Variants in PTPRT observed in about 807,000 individuals in gnomAD.
PTPRT encodes receptor-type tyrosine-protein phosphatase T.
A neutral mutation model predicts 176.8 loss-of-function variants in PTPRT; 56 were observed. The observed-to-expected ratio is 0.32, with a 90% CI of 0.26 to 0.40. The LOEUF is 0.40. Among genes scored for constraint, PTPRT ranks in the 10% least tolerant of loss-of-function variants. The probability of loss-of-function intolerance (pLI) is 1.00; values close to 1 mark genes in which losing one functional copy is unlikely to be tolerated. For missense variants in PTPRT, 1,540 were observed against 1,908.2 expected, an observed-to-expected ratio of 0.81 and a Z score of 3.60; for synonymous variants, 783 against 739.0, an observed-to-expected ratio of 1.06 and a Z score of -0.96.
intron 13 of PTPRT, among the ~76,000 whole-genome samples, chr20:42,252,881 G>A (rs897091923): frequency 3.3e-5 from 5 of 152,204 alleles, no homozygotes; most frequent in African/African-American, 1.2e-4. Flanking sequence ...TACACAGGAG[G>A]TTTTTAGAAA....
intron 7 of PTPRT, among the ~76,000 whole-genome samples, chr20:42,549,191 G>A (rs761639409): frequency 3.9e-5 from 6 of 152,084 alleles, no homozygotes; most frequent in Non-Finnish European, 7.4e-5. Flanking sequence ...TCTGCTCACC[G>A]ATTACGGGGT....
At chr20:42,478,544 G>T (rs2145319092) in intron 7 of PTPRT, among the ~76,000 whole-genome samples, 1 of 152,080 alleles carries the variant, frequency 6.6e-6, no homozygotes, top group South Asian at 2.1e-4. Context: ...ATCAAATCCT[G>T]TATTCTTAAA....
rs114049878 is a variant in PTPRT, at chr20:42,519,385, T to G, written c.1154-46823A>C. 7.6e-3 allele frequency among the ~76,000 whole-genome samples: 1,155 copies of G among 152,250 alleles called. 11 individuals carry two copies. The highest frequency in any genetic ancestry group is 0.026 in the African/African-American group (1,093 of 41,562). ...TCACCCAAGGGACATCTGTCTTGTT[T>G]CTAGTTTTGAGGTTGTTACGTATGA... On this transcript the variant is annotated intron_variant, in intron 7 of 30. Coordinates refer to ENST00000373187, the MANE Select transcript of PTPRT (RefSeq NM_007050.6).
At chr20:42,308,596 T>C (rs1195026310) in intron 12 of PTPRT, among the ~76,000 whole-genome samples, 6 of 152,186 alleles carry the variant, frequency 3.9e-5, no homozygotes, top group African/African-American at 9.7e-5. Context: ...TGCGATAAGA[T>C]ACTTTAATAT....
chr20:42,638,210 G>A (rs2145921004), intron 7 of PTPRT, among the ~76,000 whole-genome samples: 1 of 152,220 alleles, frequency 6.6e-6, no homozygotes, highest in South Asian at 2.1e-4. Flanking sequence ...CCAGACCAGA[G>A]GTGAGACAGG....
chr20:42,661,937 A>G (rs2075230157), intron 7 of PTPRT, among the ~76,000 whole-genome samples: 1 of 152,214 alleles, frequency 6.6e-6, no homozygotes, highest in Non-Finnish European at 1.5e-5. Context: ...AGCAATGGAC[A>G]GGGTGCCCTT....
At chr20:42,779,276 C>T (rs1167624798) in intron 4 of PTPRT, among the ~76,000 whole-genome samples, 1 of 152,186 alleles carries the variant, frequency 6.6e-6, no homozygotes, top group Non-Finnish European at 1.5e-5. Context: ...GAGGAGGACC[C>T]ATGATGTCTC....
intron 1 of PTPRT, among the ~76,000 whole-genome samples, chr20:43,012,423 G>A (rs1985175913): frequency 6.6e-6 from 1 of 152,150 alleles, no homozygotes; most frequent in Non-Finnish European, 1.5e-5. Context: ...TAGAGGCTGA[G>A]GGGAGTGGGG....
chr20:42,334,887 A>G (rs1345967681), intron 11 of PTPRT, among the ~76,000 whole-genome samples: 1 of 152,244 alleles, frequency 6.6e-6, no homozygotes, highest in Non-Finnish European at 1.5e-5. Flanking sequence ...AAGCGGAAGA[A>G]TTAATGTACT....
chr20:43,182,257 A>C lies in PTPRT; in HGVS notation c.88+7389T>G, dbSNP rs113564012. Among the ~76,000 whole-genome samples, 1,421 of 152,290 alleles carry C rather than the reference A, an allele frequency of 9.3e-3. 12 individuals are homozygous for C. Among genetic ancestry groups the C allele is most frequent in the Non-Finnish European group, 0.016 (1,081 of 68,008 alleles). On this transcript the variant is annotated intron_variant, in intron 1 of 30. Transcript: ENST00000373187. ...CAAAATGAGGGGTGGTCTGAGAAGA[A>C]ACAGGTTTCCAAGGTCCTGGGAAGC...
intron 1 of PTPRT, among the ~76,000 whole-genome samples, chr20:42,910,840 G>C (rs2079534781): frequency 6.6e-6 from 1 of 152,210 alleles, no homozygotes; most frequent in Non-Finnish European, 1.5e-5. Flanking sequence ...ATAAAGGACA[G>C]AGGTTTAATG....
chr20:42,315,601 G>T, intron 12 of PTPRT, 122 bp downstream of exon 12: 1 of 1,133,172 alleles, frequency 8.8e-7, no homozygotes, highest in East Asian at 2.5e-5. Flanking sequence ...AAAGGCATGA[G>T]GTAGGATTTG....
chr20:43,086,782 T>C (rs1312198058), intron 1 of PTPRT, among the ~76,000 whole-genome samples: 1 of 152,196 alleles, frequency 6.6e-6, no homozygotes, highest in Non-Finnish European at 1.5e-5. Flanking sequence ...TTACTAATCC[T>C]ACTGTTATAA....
At chr20:42,603,098 G>A (rs2145795925) in intron 7 of PTPRT, among the ~76,000 whole-genome samples, 1 of 152,314 alleles carries the variant, frequency 6.6e-6, no homozygotes, top group South Asian at 2.1e-4. Flanking sequence ...GTCCTGGGAA[G>A]GTTCCTGTTC....
chr20:42,141,905 G>T lies in PTPRT; in HGVS notation c.2770+10C>A. 1 of 1,611,786 alleles carries T rather than the reference G, an allele frequency of 6.2e-7. No individual in the cohort carries two copies. The highest frequency in any genetic ancestry group is 8.5e-7 in the Non-Finnish European group (1 of 1,177,902). ...ACCTGAAGCTTAGGAGCTCCCAGAA[G>T]GGCACCTACAGGATATGATGTTCCC... On this transcript the variant is annotated intron_variant, in intron 18 of 30. Transcript: ENST00000373187.
intron 9 of PTPRT, among the ~76,000 whole-genome samples, chr20:42,376,956 T>A (rs1265713653): frequency 6.6e-6 from 1 of 152,192 alleles, no homozygotes; most frequent in Admixed American, 6.5e-5. Context: ...GTTATCATAT[T>A]TCCCCTTTTA....
intron 1 of PTPRT, among the ~76,000 whole-genome samples, chr20:42,972,308 C>G (rs1005870590): frequency 2.0e-5 from 3 of 151,180 alleles, no homozygotes; most frequent in African/African-American, 7.3e-5. Flanking sequence ...AAGAGAAAGT[C>G]AAAGATAAGG....
chr20:42,611,584 G>A (rs536236877), intron 7 of PTPRT, among the ~76,000 whole-genome samples: 98 of 152,218 alleles, frequency 6.4e-4, no homozygotes, highest in African/African-American at 2.2e-3. Flanking sequence ...GGCCCGTCAC[G>A]CCACCTGCAT....
chr20:42,088,529 C>T (rs548297892), intron 27 of PTPRT, among the ~76,000 whole-genome samples: 2 of 152,308 alleles, frequency 1.3e-5, no homozygotes, highest in Admixed American at 1.3e-4. Flanking sequence ...TGTCTCCCAC[C>T]TTCTTAGCTG....
Sources: gnomAD v4.1 joint callset for allele counts (sites outside exome capture counted in the v4.1 genomes callset) on GRCh38, gnomAD v4.1.1 for gene constraint, MANE v1.5 for transcripts, NCBI Gene and HGNC (gene_info 2026-07-23, HGNC 2026-07-21) for gene names.